Variants in FGF14 observed in about 807,000 individuals in gnomAD.
FGF14 encodes the protein fibroblast growth factor homologous factor 4.
Under a neutral mutation model 25.5 loss-of-function variants are expected in FGF14, and 5 were observed. That is an observed-to-expected ratio of 0.20 (90% CI 0.10 to 0.41). FGF14 has a LOEUF of 0.41. FGF14 is among the 10% of genes least tolerant of loss of function. FGF14 has a pLI of 1.00. For synonymous variants in FGF14, 138 were observed against 118.3 expected, an observed-to-expected ratio of 1.17 and a Z score of -1.08; for missense variants, 222 against 320.1, an observed-to-expected ratio of 0.69 and a Z score of 2.34.
chr13:102,320,601 T>C (rs1259185727), intron 1 of FGF14, among the ~76,000 whole-genome samples: 1 of 152,178 alleles, frequency 6.6e-6, no homozygotes, highest in Non-Finnish European at 1.5e-5. Context: ...AGGGATCTGG[T>C]TTGCTGGTTC....
intron 1 of FGF14, among the ~76,000 whole-genome samples, chr13:101,928,776 C>T (rs2034547048): frequency 1.3e-5 from 2 of 152,168 alleles, no homozygotes; most frequent in Non-Finnish European, 2.9e-5. Context: ...CTGTACTTCT[C>T]AGAAGGCCTT....
At chr13:102,182,613 T>C (rs2048722449) in intron 1 of FGF14, among the ~76,000 whole-genome samples, 1 of 152,174 alleles carries the variant, frequency 6.6e-6, no homozygotes, top group Admixed American at 6.5e-5. Flanking sequence ...ACATAATGTA[T>C]TTGATTTTGC....
intron 1 of FGF14, among the ~76,000 whole-genome samples, chr13:102,181,447 G>T (rs1054291376): frequency 2.6e-5 from 4 of 152,120 alleles, no homozygotes; most frequent in African/African-American, 9.7e-5. Flanking sequence ...GGAAAAAGGG[G>T]TTTTGTAGAT....
At chr13:102,178,256 A>G (rs1377927328) in intron 1 of FGF14, among the ~76,000 whole-genome samples, 2 of 152,084 alleles carry the variant, frequency 1.3e-5, no homozygotes, top group African/African-American at 4.8e-5. Context: ...AAACTTTCCA[A>G]AGTGAATCGT....
chr13:102,294,298 G>C (rs536044694), intron 1 of FGF14, among the ~76,000 whole-genome samples: 1 of 151,072 alleles, frequency 6.6e-6, no homozygotes, highest in South Asian at 2.1e-4. Flanking sequence ...TTTCTCCATT[G>C]CTTAATCTTC....
intron 1 of FGF14, among the ~76,000 whole-genome samples, chr13:101,926,047 C>A (rs1163107004): frequency 6.6e-6 from 1 of 152,150 alleles, no homozygotes; most frequent in Non-Finnish European, 1.5e-5. Context: ...TGGGCCCACC[C>A]AATAATCCAG....
chr13:102,155,955 C>T (rs201121184), intron 1 of FGF14, among the ~76,000 whole-genome samples: 2 of 152,104 alleles, frequency 1.3e-5, no homozygotes, highest in African/African-American at 4.8e-5. Context: ...CAAGACTAAA[C>T]CAGGAAGAAG....
chr13:102,161,650 A>AAGG (rs2047733791), intron 1 of FGF14, among the ~76,000 whole-genome samples: 2 of 42,848 alleles, frequency 4.7e-5, no homozygotes, highest in Non-Finnish European at 8.7e-5. Context: ...GAAGAAGAAG[A>AAGG]AGAAGAAGAA....
At chr13:102,362,249 C>A (rs537103685) in intron 1 of FGF14, among the ~76,000 whole-genome samples, 36 of 152,258 alleles carry the variant, frequency 2.4e-4, no homozygotes, top group African/African-American at 8.2e-4. Context: ...ACTTTACAAG[C>A]TTTCATTCCC....
intron 1 of FGF14, among the ~76,000 whole-genome samples, chr13:102,131,601 A>G (rs554714851): frequency 6.6e-6 from 1 of 152,300 alleles, no homozygotes; most frequent in Admixed American, 6.5e-5. Flanking sequence ...ATAAATTGGA[A>G]TACTATTTTC....
Position 101,900,641 on chromosome 13 carries a change from G to T in FGF14, c.193+15812C>A, listed in dbSNP as rs114905731. 5.3e-3 allele frequency among the ~76,000 whole-genome samples: 814 copies of T among 152,266 alleles called. 7 individuals are homozygous for T. Among genetic ancestry groups the T allele is most frequent in the African/African-American group, 0.018 (754 of 41,566 alleles). Reference sequence around the variant, plus strand: ...CAAGTAGGCAAGACTAATATATTGTGTTAGAAGTCAAGAGAGTGGCTGCTT... The same window carrying T: ...CAAGTAGGCAAGACTAATATATTGTTTTAGAAGTCAAGAGAGTGGCTGCTT... On this transcript the variant is annotated intron_variant, in intron 1 of 4. Coordinates refer to ENST00000376143, the MANE Select transcript of FGF14 (RefSeq NM_004115.4).
Position 102,289,019 on chromosome 13 carries a change from T to C in FGF14, c.208+112452A>G, listed in dbSNP as rs1301750429. ...TTAGCCAATGAAAGCCTGGGCATTA[T>C]AGGATGTCACTAAATTGATTTATTG... On this transcript the variant is annotated intron_variant, in intron 1 of 4. Coordinates refer to the FGF14 transcript ENST00000376131. Among the ~76,000 whole-genome samples the C allele has an allele frequency of 2.0e-5, 3 of 152,144 alleles. No individual in the cohort carries two copies. In the East Asian group the frequency reaches 5.8e-4, roughly 29 times the overall value.
At chr13:101,733,384 CA>C (rs1203775241) in intron 3 of FGF14, among the ~76,000 whole-genome samples, 29 of 152,078 alleles carry the variant, frequency 1.9e-4, no homozygotes, top group African/African-American at 6.7e-4. Flanking sequence ...ATCATGAGGT[CA>C]AAAGATGGAG....
At chr13:102,161,299 T>C (rs2047612776) in intron 1 of FGF14, among the ~76,000 whole-genome samples, 2 of 152,102 alleles carry the variant, frequency 1.3e-5, no homozygotes, top group South Asian at 4.2e-4. Context: ...TGTGGAAGAT[T>C]TTCCTCCCTC....
chr13:102,309,268 C>T (rs2138658970), intron 1 of FGF14, among the ~76,000 whole-genome samples: 1 of 152,236 alleles, frequency 6.6e-6, no homozygotes, highest in South Asian at 2.1e-4. Context: ...CTGCACCAAA[C>T]TCGCTGAGCG....
chr13:101,838,578 T>C (rs2043041776), intron 3 of FGF14, among the ~76,000 whole-genome samples: 1 of 152,120 alleles, frequency 6.6e-6, no homozygotes, highest in African/African-American at 2.4e-5. Flanking sequence ...TAAGAACTCT[T>C]CTAAAGTAAA....
intron 1 of FGF14, among the ~76,000 whole-genome samples, chr13:102,304,045 A>T (rs2055229680): frequency 6.6e-6 from 1 of 152,076 alleles, no homozygotes; most frequent in South Asian, 2.1e-4. Context: ...ATTGATGCAA[A>T]TGTTCAAGTT....
intron 1 of FGF14, among the ~76,000 whole-genome samples, chr13:102,149,202 C>T (rs1340474024): frequency 1.3e-5 from 2 of 151,556 alleles, no homozygotes; most frequent in Non-Finnish European, 2.9e-5. Flanking sequence ...ACTATAATTG[C>T]TTTTTATATT....
rs151111213 is a variant in FGF14, at chr13:102,283,960, T to C, written c.208+117511A>G. ...CATATATATGTCAGTACGTAGTAGG[T>C]AGTCAATCATCGTTGGCACTTACTT... On this transcript the variant is annotated intron_variant, in intron 1 of 4. Coordinates refer to the FGF14 transcript ENST00000376131. 7.1e-3 allele frequency among the ~76,000 whole-genome samples: 1,078 copies of C among 152,298 alleles called. 8 individuals carry two copies. The Middle Eastern group carries it at 0.088, about 12-fold the overall frequency.
Sources: allele counts gnomAD v4.1 joint callset (sites outside exome capture counted in the v4.1 genomes callset), GRCh38; gene constraint gnomAD v4.1.1; transcripts MANE v1.5; gene names NCBI Gene and HGNC (gene_info 2026-07-23, HGNC 2026-07-21).